KLRG2: variants seen among roughly 807,000 people sequenced by gnomAD.
The protein encoded by KLRG2 is killer cell lectin-like receptor subfamily G member 2.
Under a neutral mutation model 35.4 loss-of-function variants are expected in KLRG2, and 39 were observed. The observed-to-expected ratio is 1.10, with a 90% confidence interval of 0.85 to 1.44. The LOEUF is 1.44. Ranked by LOEUF, KLRG2 falls within the 40% of genes most tolerant of loss-of-function variation. KLRG2 has a pLI of 0.00. For missense variants in KLRG2, 632 were observed against 570.9 expected (o/e 1.11, Z -1.09); for synonymous variants, 283 against 265.8 (o/e 1.06, Z -0.63).
intron 3 of KLRG2, among the ~76,000 whole-genome samples, chr7:139,471,702 G>T (rs1796759890): frequency 6.6e-6 from 1 of 152,096 alleles, no homozygotes. Context: ...CTCTCGCAAG[G>T]GTCCCTAGGG....
the KLRG2 span, among the ~76,000 whole-genome samples, chr7:139,433,526 A>G: frequency 6.6e-6 from 1 of 151,182 alleles, no homozygotes; most frequent in African/African-American, 2.4e-5. Flanking sequence ...GGGTTTCTCC[A>G]TGTTGGTCAG....
At chr7:139,480,863 C>A (rs1011837068) in intron 1 of KLRG2, among the ~76,000 whole-genome samples, 19 of 151,678 alleles carry the variant, frequency 1.3e-4, no homozygotes, top group Non-Finnish European at 2.6e-4. Flanking sequence ...CATGCCTTAG[C>A]CTCCCAAGTA....
intron 3 of KLRG2, among the ~76,000 whole-genome samples, chr7:139,468,220 A>AG (rs1796699129): frequency 6.6e-6 from 1 of 152,062 alleles, no homozygotes. Flanking sequence ...GGGAACTCAG[A>AG]GGCTGGCGGG....
rs1044593013 is a variant in KLRG2, at chr7:139,482,787, G to A, written c.757+99C>T. ...GGATGGCCAACTGGGTCCCTTAGTCGGTCAGCTGCCCAGCGGTCCAGGGCT... is the reference window on the plus strand; with the variant it reads ...GGATGGCCAACTGGGTCCCTTAGTCAGTCAGCTGCCCAGCGGTCCAGGGCT... On this transcript the variant is annotated intron_variant, in intron 1 of 4. Coordinates refer to ENST00000340940, the MANE Select transcript of KLRG2 (RefSeq NM_198508.4). The A allele has an allele frequency of 8.7e-6, 10 of 1,143,056 alleles. No homozygotes were observed. In the African/African-American group the frequency reaches 1.5e-4, roughly 17 times the overall value. The allele number at this position is 1,143,056 out of a possible 1,614,324, so 70.8% of individuals were successfully genotyped here.
the KLRG2 span, among the ~76,000 whole-genome samples, chr7:139,444,891 C>G: frequency 6.6e-6 from 1 of 152,140 alleles, no homozygotes; most frequent in Non-Finnish European, 1.5e-5. Flanking sequence ...CATATTTTCT[C>G]CTATCCATAA....
chr7:139,474,009 T>C (rs1397277553), intron 3 of KLRG2, among the ~76,000 whole-genome samples: 1 of 148,680 alleles, frequency 6.7e-6, no homozygotes, highest in Non-Finnish European at 1.5e-5. Context: ...TCAGAGTGGC[T>C]CAGACTTTTT....
Position 139,479,762 on chromosome 7 carries a change from G to A in KLRG2, c.870C>T (p.Cys290=). The change falls in exon 3 of 5, where the codon TGC becomes TGT. Residue 290 remains cysteine (C), a synonymous_variant. Transcript: ENST00000340940. ...ACACCCAGCCTGGGGGGCACTGCTG[G>A]CATCTGGCTCCTGCAAGCACAGAGA... ...VVLASRAGAR[C]QQCPPGWVLS... is the part of the protein sequence containing the mutation. The A allele has an allele frequency of 6.2e-7, 1 of 1,613,606 alleles. No individual in the cohort carries two copies.
the KLRG2 span, among the ~76,000 whole-genome samples, chr7:139,433,257 C>T: frequency 6.6e-6 from 1 of 152,104 alleles, no homozygotes; most frequent in African/African-American, 2.4e-5. Context: ...ACTACCTTGG[C>T]TTACTCAGAT....
At chr7:139,437,434 A>C in the KLRG2 span, among the ~76,000 whole-genome samples, 10 of 150,288 alleles carry the variant, frequency 6.7e-5, no homozygotes, top group African/African-American at 2.4e-4. Flanking sequence ...CCAAAAAAAA[A>C]AAAAAAAAAA....
chr7:139,442,402 G>A, the KLRG2 span, among the ~76,000 whole-genome samples: 1 of 152,180 alleles, frequency 6.6e-6, no homozygotes, highest in Admixed American at 6.5e-5. Flanking sequence ...TGGTGGTCTA[G>A]ACTTGCCTCA....
rs574818782 is a variant in KLRG2, at chr7:139,467,964, A to G, written c.1005+11663T>C. ...TAAAACCTGATTGTATGTTCCATCT[A>G]CTGAGATAGGGGAAAACCGCCTTAG... On this transcript the variant is annotated intron_variant, in intron 3 of 4. Transcript: ENST00000340940. Among the ~76,000 whole-genome samples, 25 of 152,318 alleles carry G rather than the reference A, an allele frequency of 1.6e-4. No homozygotes were observed. The South Asian group carries it at 4.8e-3, about 29-fold the overall frequency.
chr7:139,458,021 C>T (rs1713466408), intron 3 of KLRG2, among the ~76,000 whole-genome samples: 2 of 152,250 alleles, frequency 1.3e-5, no homozygotes, highest in East Asian at 1.9e-4. Flanking sequence ...TCATATTTTA[C>T]GTCTTAAAAT....
At chr7:139,474,662 G>A (rs1796818225) in intron 3 of KLRG2, among the ~76,000 whole-genome samples, 1 of 152,198 alleles carries the variant, frequency 6.6e-6, no homozygotes, top group African/African-American at 2.4e-5. Context: ...TTGGGAGGCT[G>A]AGGCAGGAGA....
At chr7:139,445,301 C>T in the KLRG2 span, among the ~76,000 whole-genome samples, 1 of 152,120 alleles carries the variant, frequency 6.6e-6, no homozygotes, top group Admixed American at 6.6e-5. Context: ...AGGCTGGTCT[C>T]GAACCCCTGA....
At chr7:139,450,611 T>C (rs1349230815), downstream of KLRG2, among the ~76,000 whole-genome samples, 2 of 152,140 alleles carry the variant, frequency 1.3e-5, no homozygotes, top group African/African-American at 4.8e-5. Context: ...ACACAATCAG[T>C]TTTATTTTTA....
intron 3 of KLRG2, among the ~76,000 whole-genome samples, chr7:139,465,341 C>T (rs1288190076): frequency 6.6e-6 from 1 of 152,224 alleles, no homozygotes; most frequent in Non-Finnish European, 1.5e-5. Context: ...ATGCAAGGGT[C>T]CTCCATCATT....
At chr7:139,476,925 T>G (rs1233178670) in intron 3 of KLRG2, among the ~76,000 whole-genome samples, 2 of 152,192 alleles carry the variant, frequency 1.3e-5, no homozygotes, top group Non-Finnish European at 2.9e-5. Flanking sequence ...CCTCACTCAC[T>G]GCTGTCTTAG....
the KLRG2 span, among the ~76,000 whole-genome samples, chr7:139,428,818 A>AT: frequency 1.3e-5 from 2 of 152,000 alleles, no homozygotes; most frequent in Non-Finnish European, 2.9e-5. Context: ...TTCTTAGGAG[A>AT]TAAGTGCTAA....
At chr7:139,480,615 T>C (rs1454264003) in intron 1 of KLRG2, among the ~76,000 whole-genome samples, 1 of 150,926 alleles carries the variant, frequency 6.6e-6, no homozygotes, top group Non-Finnish European at 1.5e-5. Context: ...CCGGCTAATT[T>C]TTTGTATTTT....
Sources: gnomAD v4.1 joint callset for allele counts (sites outside exome capture counted in the v4.1 genomes callset) on GRCh38, gnomAD v4.1.1 for gene constraint, MANE v1.5 for transcripts, NCBI Gene and HGNC (gene_info 2026-07-23, HGNC 2026-07-21) for gene names.